The following SLC7A6OS variants were observed in gnomAD, a reference collection of about 807,000 sequenced individuals.
The protein encoded by SLC7A6OS is solute carrier family 7 member 6 opposite strand.
In SLC7A6OS, 22 loss-of-function variants were observed where a neutral mutation model predicts 34.3. The observed-to-expected ratio is 0.64, with a 90% confidence interval of 0.46 to 0.92. SLC7A6OS has a LOEUF of 0.92. Among genes scored for constraint, SLC7A6OS ranks in the 40% least tolerant of loss-of-function variants. The pLI is 0.00. For synonymous variants in SLC7A6OS, 199 were observed against 165.0 expected (o/e 1.21, Z -1.58); for missense variants, 434 against 407.7 (o/e 1.06, Z -0.56).
intron 2 of SLC7A6OS, among the ~76,000 whole-genome samples, chr16:68,309,325 C>T (rs2043371862): frequency 6.6e-6 from 1 of 152,068 alleles, no homozygotes. Context: ...TCAAGCGACC[C>T]TCCTGCCTCA....
At chr16:68,302,611 G>GA (rs2043292849) in intron 3 of SLC7A6OS, 110 bp from the exon 4 acceptor site, 1 of 1,305,070 alleles carries the variant, frequency 7.7e-7, no homozygotes. Flanking sequence ...AGTGCCCTGT[G>GA]AAAAAACTGC....
chr16:68,307,916 T>G (rs1031616277), intron 2 of SLC7A6OS, among the ~76,000 whole-genome samples: 3 of 152,220 alleles, frequency 2.0e-5, no homozygotes, highest in Admixed American at 2.0e-4. Context: ...ACTCTTGTTT[T>G]TTGAGATGGA....
Position 68,302,610 on chromosome 16 carries a change from T to G in SLC7A6OS, c.679-109A>C, listed in dbSNP as rs1432542093. Reference sequence around the variant, plus strand: ...AGAGATATCATGTAAAAGTGCCCTGTGAAAAAACTGCAGACTAGTAGTTTG... The same window carrying G: ...AGAGATATCATGTAAAAGTGCCCTGGGAAAAAACTGCAGACTAGTAGTTTG... On this transcript the variant is annotated intron_variant, in intron 3 of 4. Transcript: ENST00000263997. 6.1e-6 allele frequency: 8 copies of G among 1,306,274 alleles called. No individual in the cohort carries two copies. In the East Asian group the frequency reaches 9.2e-5, roughly 15 times the overall value. The allele number at this position is 1,306,274 out of a possible 1,614,324, so 80.9% of individuals were successfully genotyped here.
At position 68,300,667 on chromosome 16, in the gene SLC7A6OS, T is replaced by C. The variant is rs1165551367; in HGVS notation, c.*608A>G. On this transcript the variant is annotated 3_prime_UTR_variant, in exon 5 of 5. Coordinates refer to ENST00000263997, the MANE Select transcript of SLC7A6OS (RefSeq NM_032178.3). ...AACACATGTATCACATTCATATATATTGTTTCTTGGCCCCACTGCCAAAGG... is the reference window on the plus strand; with the variant it reads ...AACACATGTATCACATTCATATATACTGTTTCTTGGCCCCACTGCCAAAGG... 1 of 985,394 alleles carries C rather than the reference T, an allele frequency of 1.0e-6. No individual in the cohort carries two copies. The highest frequency in any genetic ancestry group is 1.1e-4 in the East Asian group (1 of 8,834). The allele number at this position is 985,394 out of a possible 1,614,324, so 61.0% of individuals were successfully genotyped here.
In SLC7A6OS at chr16:68,310,731, A is replaced by G. The variant is rs1268403198; in HGVS notation, c.192+4T>C. ...CTCCACACCAGCTGCACCACGCCCA[A>G]TACCTGGGAGCACACAGTGGCCACC... is the stretch of plus-strand genomic sequence containing the variant. On this transcript the variant is annotated splice_donor_region_variant and intron_variant, in intron 1 of 4. Coordinates refer to ENST00000263997, the MANE Select transcript of SLC7A6OS (RefSeq NM_032178.3). The G allele has an allele frequency of 1.2e-6, 2 of 1,603,002 alleles. No homozygotes were observed.
Position 68,310,705 on chromosome 16 carries a change from C to T in SLC7A6OS, c.192+30G>A, listed in dbSNP as rs750463962. On this transcript the variant is annotated intron_variant, in intron 1 of 4. Coordinates refer to ENST00000263997, the MANE Select transcript of SLC7A6OS (RefSeq NM_032178.3). ...TCGTACCGGCTGCACCCGAAGATGC[C>T]CTCCACACCAGCTGCACCACGCCCA... The T allele has an allele frequency of 1.6e-5, 26 of 1,587,046 alleles. No homozygotes were observed. In the East Asian group the frequency reaches 5.4e-4, roughly 33 times the overall value.
At chr16:68,309,798 G>C (rs2043404873) in intron 2 of SLC7A6OS, among the ~76,000 whole-genome samples, 2 of 152,160 alleles carry the variant, frequency 1.3e-5, no homozygotes, top group South Asian at 2.1e-4. Context: ...CAATGTCCTT[G>C]CAAGTACCTA....
intron 2 of SLC7A6OS, among the ~76,000 whole-genome samples, chr16:68,305,674 T>C (rs996951207): frequency 1.3e-5 from 2 of 152,238 alleles, no homozygotes; most frequent in African/African-American, 4.8e-5. Flanking sequence ...CCAGTTTTTC[T>C]GCAGAACCTT....
chr16:68,304,414 A>G (rs1475612909), intron 2 of SLC7A6OS, among the ~76,000 whole-genome samples, 182 bp from the exon 3 acceptor site: 1 of 152,080 alleles, frequency 6.6e-6, no homozygotes. Context: ...TCCGCCTCCC[A>G]GGTTCAAGCG....
chr16:68,300,719 T>TTG lies in SLC7A6OS; in HGVS notation c.*555_*556insCA, dbSNP rs1356680771. On this transcript the variant is annotated 3_prime_UTR_variant, in exon 5 of 5. Transcript: ENST00000263997. ...AGTCAGTCAGTAATTTCACAACCGT[T>TTG]ATCAGAGTTTGGAAGCAGAAATAGC... 2.0e-6 allele frequency: 2 copies of TTG among 985,398 alleles called. No homozygotes were observed. The highest frequency in any genetic ancestry group is 2.4e-6 in the Non-Finnish European group (2 of 829,970). The allele number at this position is 985,398 out of a possible 1,614,324, so 61.0% of individuals were successfully genotyped here.
At chr16:68,302,051 A>G (rs1372446303) in intron 4 of SLC7A6OS, 2 of 260,810 alleles carry the variant, frequency 7.7e-6, no homozygotes, top group Middle Eastern at 1.2e-3. Context: ...AATGAGCTAC[A>G]TATTTTACAT....
intron 2 of SLC7A6OS, among the ~76,000 whole-genome samples, chr16:68,310,130 G>A (rs1199144111): frequency 2.0e-5 from 3 of 151,974 alleles, no homozygotes; most frequent in East Asian, 3.8e-4. Flanking sequence ...CCTCACTGCT[G>A]TATCCACAGA....
chr16:68,302,293 G>C, intron 4 of SLC7A6OS, 88 bp downstream of exon 4: 1 of 1,499,518 alleles, frequency 6.7e-7, no homozygotes, highest in South Asian at 1.2e-5. Context: ...GACAGAGAAG[G>C]AAAGGCAATT....
intron 2 of SLC7A6OS, among the ~76,000 whole-genome samples, chr16:68,306,943 A>G (rs1177136750): frequency 6.6e-6 from 1 of 152,052 alleles, no homozygotes; most frequent in Non-Finnish European, 1.5e-5. Flanking sequence ...CCCGGGCTCA[A>G]GTGCTCCTTT....
rs142796635 is a variant in SLC7A6OS at position 68,302,004 on chromosome 16, T to C, written c.799+377A>G. The C allele has an allele frequency of 2.6e-4, 49 of 189,130 alleles. No homozygotes were observed. In the East Asian group the frequency reaches 4.3e-3, roughly 17 times the overall value. The allele number at this position is 189,130 out of a possible 1,614,324, so 11.7% of individuals were successfully genotyped here. On this transcript the variant is annotated intron_variant, in intron 4 of 4. Transcript: ENST00000263997. ...GCTTATTCCTACTGGCAAACCTCTC[T>C]CTTCATTGGTTTCTTGACTGGGGCA...
chr16:68,303,456 G>A (rs1187590964), intron 3 of SLC7A6OS, among the ~76,000 whole-genome samples: 2 of 151,094 alleles, frequency 1.3e-5, no homozygotes, highest in African/African-American at 4.9e-5. Context: ...GTGCATGCCT[G>A]TACTCCTGGC....
intron 2 of SLC7A6OS, among the ~76,000 whole-genome samples, chr16:68,305,660 G>A (rs2043321396): frequency 6.6e-6 from 1 of 152,176 alleles, no homozygotes; most frequent in African/African-American, 2.4e-5. Flanking sequence ...AGAAGCTAGA[G>A]ATGCCAGTTT....
chr16:68,301,373 C>A lies in SLC7A6OS; in HGVS notation c.832G>T (p.Glu278Ter). Residue 278 changes from glutamate (E) to a stop codon, truncating the protein, a stop_gained, in exon 5 of 5, where the codon GAA becomes TAA. Coordinates refer to ENST00000263997, the MANE Select transcript of SLC7A6OS (RefSeq NM_032178.3). LOFTEE classifies it high-confidence loss of function. ...ATCCGCTGTCTGCTGCTGCCTCTTT[C>A]CTCCTCACTCAGGCTGTTGTAGTCA... is the stretch of plus-strand genomic sequence containing the variant. Reference protein sequence around the residue: ...SADYNSLSEEERGSSRQRMWS... With the variant: ...SADYNSLSEE 6.2e-7 allele frequency: 1 copy of A among 1,614,148 alleles called. No homozygotes were observed. The highest frequency in any genetic ancestry group is 8.5e-7 in the Non-Finnish European group (1 of 1,180,002).
chr16:68,309,526 A>C (rs1040342813), intron 2 of SLC7A6OS, among the ~76,000 whole-genome samples: 1 of 152,186 alleles, frequency 6.6e-6, no homozygotes, highest in Non-Finnish European at 1.5e-5. Context: ...TACTGTGCCC[A>C]GCCTCAAGGA....
Sources: allele counts gnomAD v4.1 joint callset (sites outside exome capture counted in the v4.1 genomes callset), GRCh38; gene constraint gnomAD v4.1.1; transcripts MANE v1.5; gene names NCBI Gene and HGNC (gene_info 2026-07-23, HGNC 2026-07-21).